The following SLC4A4 variants were observed in gnomAD, a reference collection of about 807,000 sequenced individuals.
SLC4A4 encodes the protein solute carrier family 4 member 4, also known as electrogenic sodium bicarbonate cotransporter 1.
SLC4A4 carries 27 observed loss-of-function variants against 111.5 expected under a neutral mutation model. The observed-to-expected ratio is 0.24, with a 90% CI of 0.18 to 0.33. The LOEUF (loss-of-function observed/expected upper bound fraction) is 0.33. SLC4A4 is among the 10% of genes least tolerant of loss of function. The pLI is 1.00. For missense variants in SLC4A4, 909 were observed against 1,315.5 expected, an observed-to-expected ratio of 0.69 and a Z score of 4.78; for synonymous variants, 443 against 463.4, an observed-to-expected ratio of 0.96 and a Z score of 0.57.
At chr4:71,179,501 G>C (rs1421241691) in intron 2 of SLC4A4, among the ~76,000 whole-genome samples, 2 of 152,108 alleles carry the variant, frequency 1.3e-5, no homozygotes, top group East Asian at 3.8e-4. Flanking sequence ...AGCAACTTCA[G>C]CAAAGTCTCA....
intron 1 of SLC4A4, among the ~76,000 whole-genome samples, chr4:71,076,127 T>C (rs757452967): frequency 6.6e-6 from 1 of 152,174 alleles, no homozygotes; most frequent in Non-Finnish European, 1.5e-5. Context: ...TTGTCTTTCT[T>C]CCTCAGCTAC....
At chr4:71,544,355 A>T (rs1735318494) in intron 18 of SLC4A4, among the ~76,000 whole-genome samples, 2 of 151,962 alleles carry the variant, frequency 1.3e-5, no homozygotes, top group African/African-American at 4.8e-5. Context: ...AAGACACAGA[A>T]AGCATCAGTG....
At chr4:71,223,637 C>A (rs1718882178) in intron 1 of SLC4A4, among the ~76,000 whole-genome samples, 1 of 152,136 alleles carries the variant, frequency 6.6e-6, no homozygotes, top group African/African-American at 2.4e-5. Context: ...TGCATGTGGG[C>A]CTCCTAGATT....
chr4:71,527,252 A>G (rs1260624826), intron 16 of SLC4A4, among the ~76,000 whole-genome samples: 2 of 152,138 alleles, frequency 1.3e-5, no homozygotes, highest in African/African-American at 4.8e-5. Flanking sequence ...AAGCTAATGT[A>G]GTAAACCATA....
In SLC4A4 at chr4:71,526,428, T is replaced by C. The variant is rs550146584; in HGVS notation, c.2167-5634T>C. Among the ~76,000 whole-genome samples the C allele has an allele frequency of 3.3e-5, 5 of 152,198 alleles. No homozygotes were observed. The South Asian group carries it at 8.3e-4, about 25-fold the overall frequency. ...GCAACACTATTAATAGGGTGGCTTTTTTCTCCATAAATTTTAAGAACTGTA... is the reference window on the plus strand; with the variant it reads ...GCAACACTATTAATAGGGTGGCTTTCTTCTCCATAAATTTTAAGAACTGTA... On this transcript the variant is annotated intron_variant, in intron 16 of 25. Coordinates refer to ENST00000264485, the MANE Select transcript of SLC4A4 (RefSeq NM_001098484.3).
chr4:71,344,259 G>T (rs1463441800), intron 4 of SLC4A4, among the ~76,000 whole-genome samples: 1 of 152,112 alleles, frequency 6.6e-6, no homozygotes, highest in East Asian at 1.9e-4. Flanking sequence ...CTTGATTCTT[G>T]GTTTGCTGCT....
chr4:71,481,853 C>A (rs969092338), intron 14 of SLC4A4, among the ~76,000 whole-genome samples: 91 of 151,672 alleles, frequency 6.0e-4, no homozygotes, highest in African/African-American at 2.1e-3. Context: ...CCTGTGGAAG[C>A]TCTCTGAAAG....
intron 2 of SLC4A4, among the ~76,000 whole-genome samples, chr4:71,122,594 G>C (rs1268885454): frequency 6.6e-6 from 1 of 151,988 alleles, no homozygotes; most frequent in South Asian, 2.1e-4. Flanking sequence ...AAAAAAAAAA[G>C]AGTAGAGGTG....
At chr4:71,536,103 G>T (rs1188453710) in intron 18 of SLC4A4, among the ~76,000 whole-genome samples, 1 of 152,026 alleles carries the variant, frequency 6.6e-6, no homozygotes, top group African/African-American at 2.4e-5. Context: ...TTCTGGTAAT[G>T]TTGGGTTATT....
At chr4:71,344,227 T>A (rs910509676) in intron 4 of SLC4A4, among the ~76,000 whole-genome samples, 2 of 152,156 alleles carry the variant, frequency 1.3e-5, no homozygotes, top group Admixed American at 6.5e-5. Context: ...GTTAATAGAA[T>A]CAATGAATAG....
chr4:71,474,491 A>G (rs1334627039), intron 14 of SLC4A4, among the ~76,000 whole-genome samples: 2 of 151,894 alleles, frequency 1.3e-5, no homozygotes, highest in African/African-American at 4.8e-5. Context: ...TTGCTCCTAG[A>G]TATTTTGGTA....
intron 7 of SLC4A4, among the ~76,000 whole-genome samples, chr4:71,420,329 G>A (rs987016082): frequency 2.0e-5 from 3 of 151,930 alleles, no homozygotes; most frequent in Non-Finnish European, 4.4e-5. Flanking sequence ...AGAAATATGG[G>A]ACTATGTGAA....
chr4:71,382,460 T>C (rs550114179), intron 6 of SLC4A4, among the ~76,000 whole-genome samples: 21 of 152,334 alleles, frequency 1.4e-4, no homozygotes, highest in Non-Finnish European at 2.9e-4. Context: ...GAAAACTAGC[T>C]TTTTCTGAGC....
intron 3 of SLC4A4, 97 bp downstream of exon 3, chr4:71,255,496 CTG>C (rs1721382003): frequency 8.6e-7 from 1 of 1,167,856 alleles, no homozygotes; most frequent in African/African-American, 1.5e-5. Flanking sequence ...GGGAGGGACA[CTG>C]TAATACTGAG....
At chr4:71,334,816 A>C (rs528329646) in intron 3 of SLC4A4, among the ~76,000 whole-genome samples, 1 of 152,198 alleles carries the variant, frequency 6.6e-6, no homozygotes, top group African/African-American at 2.4e-5. Flanking sequence ...ATGTTTTGCT[A>C]AATTGAGAAT....
intron 16 of SLC4A4, among the ~76,000 whole-genome samples, chr4:71,497,929 C>A (rs1730561665): frequency 6.6e-6 from 1 of 151,896 alleles, no homozygotes; most frequent in Non-Finnish European, 1.5e-5. Context: ...TCTCATAATT[C>A]TGAATGTGCT....
chr4:71,481,491 T>G (rs570177673), intron 14 of SLC4A4, among the ~76,000 whole-genome samples: 1 of 151,844 alleles, frequency 6.6e-6, no homozygotes, highest in South Asian at 2.1e-4. Context: ...GGATGTCACC[T>G]CCTTTTTTCT....
chr4:71,204,951 G>A (rs892186231), intron 1 of SLC4A4, among the ~76,000 whole-genome samples: 10 of 152,186 alleles, frequency 6.6e-5, no homozygotes, highest in African/African-American at 2.4e-4. Flanking sequence ...GGGTTAACAC[G>A]TACATCTTAA....
chr4:71,221,167 G>A (rs990250319), intron 1 of SLC4A4, among the ~76,000 whole-genome samples: 1 of 152,146 alleles, frequency 6.6e-6, no homozygotes, highest in Non-Finnish European at 1.5e-5. Flanking sequence ...GAATAGTGCT[G>A]CAGTGAACAT....
Sources: gnomAD v4.1 joint callset for allele counts (sites outside exome capture counted in the v4.1 genomes callset) on GRCh38, gnomAD v4.1.1 for gene constraint, MANE v1.5 for transcripts, NCBI Gene and HGNC (gene_info 2026-07-23, HGNC 2026-07-21) for gene names.